SNX8: variants seen among roughly 807,000 people sequenced by gnomAD.
SNX8 encodes the protein sorting nexin 8.
SNX8 carries 25 observed loss-of-function variants against 51.6 expected under a neutral mutation model. The ratio of observed to expected loss-of-function variants is 0.48; its 90% CI spans 0.35 to 0.68. The LOEUF (loss-of-function observed/expected upper bound fraction) is 0.68. Ranked by LOEUF, SNX8 falls within the 30% of genes least tolerant of loss-of-function variation. The pLI, the probability that SNX8 is intolerant of heterozygous loss-of-function variation, is 0.00. For missense variants in SNX8, 695 were observed against 624.0 expected, an observed-to-expected ratio of 1.11 and a Z score of -1.21; for synonymous variants, 324 against 277.0, an observed-to-expected ratio of 1.17 and a Z score of -1.68.
intron 4 of SNX8, among the ~76,000 whole-genome samples, chr7:2,269,992 G>A (rs575417218): frequency 2.6e-5 from 4 of 152,212 alleles, no homozygotes; most frequent in East Asian, 3.9e-4. Context: ...GACCCGGGGC[G>A]GCGTCAGCCC....
rs1795228885 is a variant in SNX8 at position 2,257,812 on chromosome 7, C to T, written c.916-9G>A. The T allele has an allele frequency of 6.2e-7, 1 of 1,613,496 alleles. No homozygotes were observed. Among genetic ancestry groups the T allele is most frequent in the Non-Finnish European group, 8.5e-7 (1 of 1,179,622 alleles). ...TTCTCTTCCTGCTTACCCTGGAAGG[C>T]GAGGGGGAGCTCACCCACGCGGACG... On this transcript the variant is annotated splice_polypyrimidine_tract_variant and intron_variant, in intron 7 of 10. Coordinates refer to ENST00000222990, the MANE Select transcript of SNX8 (RefSeq NM_013321.4).
chr7:2,314,376 C>A lies in SNX8; in HGVS notation c.46G>T (p.Ala16Ser), dbSNP rs1796718772. ...MDPLPAAAVG[A>S]AAEAEADEEA... ...TCGTCAGCCTCCGCCTCAGCTGCCG[C>A]CCCGACTGCAGCCGCGGGCAGCGGG... The change falls in exon 1 of 11, where the codon GCG becomes TCG. Residue 16 changes from alanine to serine, a missense_variant. Physicochemically the swap from Ala to Ser is moderately conservative, Grantham distance 99. Transcript: ENST00000222990. The A allele has an allele frequency of 2.5e-6, 3 of 1,223,112 alleles. No individual in the cohort carries two copies. The highest frequency in any genetic ancestry group is 3.1e-6 in the Non-Finnish European group (3 of 981,984). The allele number at this position is 1,223,112 out of a possible 1,614,324, so 75.8% of individuals were successfully genotyped here. A position where few individuals can be genotyped will look rare whatever the true frequency, so the allele number is the denominator to read the frequency against.
intron 1 of SNX8, among the ~76,000 whole-genome samples, chr7:2,353,378 C>A (rs1186638580): frequency 6.6e-6 from 1 of 151,782 alleles, no homozygotes; most frequent in Non-Finnish European, 1.5e-5. Context: ...AGAGCGAGAC[C>A]CTATCTCTGA....
chr7:2,304,960 C>G (rs771968480), intron 1 of SNX8, among the ~76,000 whole-genome samples: 1 of 152,212 alleles, frequency 6.6e-6, no homozygotes, highest in Non-Finnish European at 1.5e-5. Flanking sequence ...TCATCTGACT[C>G]TCCTTGACAG....
intron 1 of SNX8, among the ~76,000 whole-genome samples, chr7:2,338,882 C>A (rs1468021616): frequency 6.6e-6 from 1 of 151,914 alleles, no homozygotes; most frequent in African/African-American, 2.4e-5. Context: ...TTTGAGACCA[C>A]CCTGGGCAAC....
chr7:2,327,838 T>C (rs775967233), intron 1 of SNX8, among the ~76,000 whole-genome samples: 11 of 152,068 alleles, frequency 7.2e-5, no homozygotes, highest in African/African-American at 2.4e-4. Flanking sequence ...CCACCGCGCC[T>C]GGCCAGCATT....
chr7:2,329,621 C>G (rs997195398), intron 1 of SNX8, among the ~76,000 whole-genome samples: 12 of 152,148 alleles, frequency 7.9e-5, no homozygotes, highest in Admixed American at 5.9e-4. Context: ...TAAGACCCTT[C>G]CCAGACTGTG....
intron 1 of SNX8, among the ~76,000 whole-genome samples, chr7:2,305,058 G>A (rs1023398274): frequency 6.6e-6 from 1 of 152,172 alleles, no homozygotes. Flanking sequence ...GGAGGGTCTG[G>A]GTGCTCCTTC....
chr7:2,330,054 C>T (rs1035992897), intron 1 of SNX8, among the ~76,000 whole-genome samples: 11 of 150,036 alleles, frequency 7.3e-5, no homozygotes, highest in Non-Finnish European at 1.0e-4. Flanking sequence ...TGGTCTCGAA[C>T]TCCTGACCTC....
At chr7:2,272,981 C>T (rs528796337) in intron 3 of SNX8, among the ~76,000 whole-genome samples, 2 of 151,850 alleles carry the variant, frequency 1.3e-5, no homozygotes, top group East Asian at 2.0e-4. Context: ...TTACAGGCAC[C>T]CGCCACCACA....
Position 2,271,791 on chromosome 7 carries a change from G to A in SNX8, c.540+59C>T, listed in dbSNP as rs577749554. The stretch of plus-strand genomic sequence containing the variant: ...AACCACACCTGAGAGAGGAAAAGGC[G>A]GGTCCGGAGGCTCGGGGACTCCCCG... On this transcript the variant is annotated intron_variant, in intron 4 of 10. Transcript: ENST00000222990. 6.0e-5 allele frequency: 92 copies of A among 1,542,628 alleles called. No homozygotes were observed. The African/African-American group carries it at 6.2e-4, about 10-fold the overall frequency.
chr7:2,278,264 G>A lies in SNX8; in HGVS notation c.136C>T (p.Gln46Ter), dbSNP rs1460275214. Residue 46 changes from glutamine to a stop codon, truncating the protein, a stop_gained, in exon 2 of 11, where the codon CAG (glutamine) becomes TAG (stop). Transcript: ENST00000222990. LOFTEE classifies it high-confidence loss of function. The part of the protein sequence containing the change: ...PQAIEPQAIV[Q>*]QVPAPSRMQM... ...ATTCGACTGGGGGCTGGGACCTGCTGCACGATGGCCTGGGGCTCGATGGCC... is the reference window on the plus strand; with the variant it reads ...ATTCGACTGGGGGCTGGGACCTGCTACACGATGGCCTGGGGCTCGATGGCC... The A allele has an allele frequency of 6.2e-7, 1 of 1,602,948 alleles. No homozygotes were observed. The highest frequency in any genetic ancestry group is 1.3e-5 in the African/African-American group (1 of 74,860).
At chr7:2,324,982 G>A (rs1778598377) in intron 1 of SNX8, among the ~76,000 whole-genome samples, 1 of 147,800 alleles carries the variant, frequency 6.8e-6, no homozygotes, top group African/African-American at 2.7e-5. Context: ...GGTGGCACAC[G>A]CCTGTAGTCC....
At chr7:2,285,237 A>C (rs964111009) in intron 1 of SNX8, among the ~76,000 whole-genome samples, 1 of 151,164 alleles carries the variant, frequency 6.6e-6, no homozygotes, top group African/African-American at 2.4e-5. Flanking sequence ...AAAATGCAAA[A>C]AATTAGTTAG....
intron 1 of SNX8, among the ~76,000 whole-genome samples, chr7:2,336,740 C>T (rs1778837268): frequency 6.6e-6 from 1 of 151,618 alleles, no homozygotes; most frequent in Non-Finnish European, 1.5e-5. Flanking sequence ...GGCACAGTGG[C>T]TCACCCCTGT....
At chr7:2,348,684 G>A (rs1181512539) in intron 1 of SNX8, among the ~76,000 whole-genome samples, 3 of 151,612 alleles carry the variant, frequency 2.0e-5, no homozygotes. Flanking sequence ...CAGGCGCGGT[G>A]GCTCACACCT....
chr7:2,282,715 G>A (rs1795935144), intron 1 of SNX8, among the ~76,000 whole-genome samples: 1 of 152,192 alleles, frequency 6.6e-6, no homozygotes, highest in Non-Finnish European at 1.5e-5. Flanking sequence ...AGTGGCTCAC[G>A]CCTGAATTCC....
At chr7:2,335,444 T>C (rs1778810031) in intron 1 of SNX8, among the ~76,000 whole-genome samples, 1 of 136,496 alleles carries the variant, frequency 7.3e-6, no homozygotes, top group African/African-American at 2.8e-5. Flanking sequence ...AGGCCAGGAG[T>C]TCGAAACCCG....
chr7:2,269,276 G>A (rs1334720495), intron 5 of SNX8, among the ~76,000 whole-genome samples: 2 of 151,248 alleles, frequency 1.3e-5, no homozygotes, highest in African/African-American at 2.4e-5. Flanking sequence ...GATTAAGGGC[G>A]GTGCAGGATG....
Sources: gnomAD v4.1 joint callset for allele counts (sites outside exome capture counted in the v4.1 genomes callset) on GRCh38, gnomAD v4.1.1 for gene constraint, MANE v1.5 for transcripts, NCBI Gene and HGNC (gene_info 2026-07-23, HGNC 2026-07-21) for gene names.